Variants in RBFOX1 observed in about 807,000 individuals in gnomAD.
RBFOX1 encodes the protein RNA binding protein fox-1 homolog 1.
Under a neutral mutation model 57.7 loss-of-function variants are expected in RBFOX1, and 8 were observed. That is an observed-to-expected ratio of 0.14 (90% CI 0.08 to 0.25). The LOEUF is 0.25. RBFOX1 is among the 10% of genes least tolerant of loss of function. The pLI is 1.00. For synonymous variants in RBFOX1, 326 were observed against 222.4 expected, an observed-to-expected ratio of 1.47 and a Z score of -4.15; for missense variants, 611 against 548.5, an observed-to-expected ratio of 1.11 and a Z score of -1.14.
intron 2 of RBFOX1, among the ~76,000 whole-genome samples, chr16:6,501,334 C>T (rs1489234349): frequency 2.4e-5 from 3 of 127,018 alleles, no homozygotes; most frequent in Non-Finnish European, 3.2e-5. Flanking sequence ...TGTTCCCCTT[C>T]CTGTGTCCAT....
intron 14 of RBFOX1, among the ~76,000 whole-genome samples, chr16:7,679,835 T>A (rs1292361637): frequency 6.6e-6 from 1 of 152,028 alleles, no homozygotes; most frequent in Non-Finnish European, 1.5e-5. Context: ...TGGGCAGAGA[T>A]TTCCCCAAAA....
At chr16:6,431,980 G>A (rs1346714266) in intron 2 of RBFOX1, among the ~76,000 whole-genome samples, 1 of 134,084 alleles carries the variant, frequency 7.5e-6, no homozygotes, top group Admixed American at 7.9e-5. Flanking sequence ...TTTTGAAATA[G>A]AGACAGGGTC....
At chr16:7,026,830 A>C (rs918013255) in intron 3 of RBFOX1, among the ~76,000 whole-genome samples, 1 of 152,212 alleles carries the variant, frequency 6.6e-6, no homozygotes, top group African/African-American at 2.4e-5. Flanking sequence ...GCACCTGCTG[A>C]TCTGGACATT....
intron 1 of RBFOX1, among the ~76,000 whole-genome samples, chr16:6,224,499 G>A (rs911221312): frequency 2.6e-5 from 4 of 152,078 alleles, no homozygotes; most frequent in African/African-American, 7.2e-5. Flanking sequence ...CACACTTGGA[G>A]TAGTAAGATG....
At chr16:6,024,496 T>C (rs371598846) in intron 1 of RBFOX1, among the ~76,000 whole-genome samples, 26 of 151,444 alleles carry the variant, frequency 1.7e-4, no homozygotes, top group African/African-American at 5.6e-4. Context: ...CATCTCCGCT[T>C]TCTTTTTTTT....
At chr16:7,169,793 G>T (rs2080310644) in intron 4 of RBFOX1, among the ~76,000 whole-genome samples, 1 of 147,840 alleles carries the variant, frequency 6.8e-6, no homozygotes, top group South Asian at 2.2e-4. Context: ...ATAATTGCAG[G>T]GTGCAGTGGC....
At chr16:6,405,741 T>C (rs2093257430) in intron 2 of RBFOX1, among the ~76,000 whole-genome samples, 1 of 152,164 alleles carries the variant, frequency 6.6e-6, no homozygotes, top group East Asian at 1.9e-4. Flanking sequence ...GCTGGAGTCA[T>C]TGATTTGGGA....
chr16:6,196,081 G>A (rs144374006), intron 1 of RBFOX1, among the ~76,000 whole-genome samples: 25 of 152,288 alleles, frequency 1.6e-4, no homozygotes, highest in African/African-American at 5.5e-4. Context: ...CTTACTATGG[G>A]CCTGGTACTG....
At chr16:7,545,360 T>C (rs939732675) in intron 5 of RBFOX1, among the ~76,000 whole-genome samples, 1 of 152,058 alleles carries the variant, frequency 6.6e-6, no homozygotes, top group Non-Finnish European at 1.5e-5. Flanking sequence ...TCTTGGCCCC[T>C]TGCTCACAGC....
chr16:7,143,323 C>T (rs1480429724), intron 4 of RBFOX1, among the ~76,000 whole-genome samples: 1 of 151,910 alleles, frequency 6.6e-6, no homozygotes, highest in African/African-American at 2.4e-5. Context: ...CATTCCCGAC[C>T]CAGCTCTCAG....
chr16:7,218,050 TGCATGC>T (rs1170368108), intron 4 of RBFOX1, among the ~76,000 whole-genome samples: 1 of 146,954 alleles, frequency 6.8e-6, no homozygotes, highest in Non-Finnish European at 1.5e-5. Flanking sequence ...TGCGTGCATT[TGCATGC>T]GTGTGCGTGT....
intron 3 of RBFOX1, among the ~76,000 whole-genome samples, chr16:6,874,735 A>G (rs769966616): frequency 4.6e-5 from 7 of 152,108 alleles, no homozygotes; most frequent in African/African-American, 1.7e-4. Context: ...TAAGGACACA[A>G]AAGCATAAAA....
chr16:5,578,844 CTTTTTTTT>C (rs57387602), intron 2 of RBFOX1, among the ~76,000 whole-genome samples: 3 of 109,022 alleles, frequency 2.8e-5, no homozygotes, highest in Non-Finnish European at 3.8e-5. Flanking sequence ...CACACACACC[CTTTTTTTT>C]TTTTTTTTTT....
chr16:5,825,146 G>A (rs190033884), intron 3 of RBFOX1, among the ~76,000 whole-genome samples: 11 of 152,298 alleles, frequency 7.2e-5, no homozygotes, highest in African/African-American at 2.2e-4. Flanking sequence ...CTGGACCCTC[G>A]TTGCCCAGGT....
intron 4 of RBFOX1, among the ~76,000 whole-genome samples, chr16:7,223,844 A>G (rs1268925445): frequency 6.6e-6 from 1 of 151,964 alleles, no homozygotes; most frequent in African/African-American, 2.4e-5. Flanking sequence ...TTTGGTAGAA[A>G]TAGCCATTTA....
chr16:6,666,056 G>T (rs577559153), intron 3 of RBFOX1, among the ~76,000 whole-genome samples: 1 of 152,180 alleles, frequency 6.6e-6, no homozygotes, highest in East Asian at 1.9e-4. Context: ...AACCCCTTTC[G>T]CTTGTTTTTC....
At chr16:5,805,055 T>G (rs2055182540) in intron 3 of RBFOX1, among the ~76,000 whole-genome samples, 1 of 152,006 alleles carries the variant, frequency 6.6e-6, no homozygotes. Context: ...TGGGGAGCAT[T>G]GAGTTGTTTG....
chr16:5,248,191 C>T (rs920868672), intron 1 of RBFOX1, among the ~76,000 whole-genome samples: 3 of 152,180 alleles, frequency 2.0e-5, no homozygotes, highest in Non-Finnish European at 2.9e-5. Flanking sequence ...ATGGTTTCTG[C>T]GAGCACAACA....
intron 4 of RBFOX1, among the ~76,000 whole-genome samples, chr16:7,294,633 C>T (rs2095855942): frequency 6.6e-6 from 1 of 151,916 alleles, no homozygotes; most frequent in Non-Finnish European, 1.5e-5. Context: ...GACAAGAAAG[C>T]TAGGAAAATT....
Sources: allele counts gnomAD v4.1 joint callset (sites outside exome capture counted in the v4.1 genomes callset), GRCh38; gene constraint gnomAD v4.1.1; transcripts MANE v1.5; gene names NCBI Gene and HGNC (gene_info 2026-07-23, HGNC 2026-07-21).